The following RAI1 variants were observed in gnomAD, a reference collection of about 807,000 sequenced individuals.
RAI1 encodes the protein retinoic acid-induced protein 1.
RAI1 carries 9 observed loss-of-function variants against 123.8 expected under a neutral mutation model. The observed-to-expected ratio is 0.07, with a 90% CI of 0.04 to 0.13. The LOEUF is 0.13. Ranked by LOEUF, RAI1 falls within the 10% of genes least tolerant of loss-of-function variation. The pLI is 1.00. For missense variants in RAI1, 2,256 were observed against 2,545.8 expected, an observed-to-expected ratio of 0.89 and a Z score of 2.45; for synonymous variants, 1,231 against 1,127.3, an observed-to-expected ratio of 1.09 and a Z score of -1.84.
rs115421180 is a variant in RAI1 at position 17,713,251 on chromosome 17, G to T, written c.-148-10777G>T. On this transcript the variant is annotated intron_variant, in intron 1 of 5. Coordinates refer to ENST00000353383, the MANE Select transcript of RAI1 (RefSeq NM_030665.4). ...AGGAGCTGGGCGTGATGGTGCCTGT[G>T]GTCCCCACTGCTTGGGAGGCCAAGG... 2.8e-3 allele frequency among the ~76,000 whole-genome samples: 429 copies of T among 152,196 alleles called. 2 individuals are homozygous for T. The highest frequency in any genetic ancestry group is 9.5e-3 in the African/African-American group (395 of 41,494).
chr17:17,730,459 C>T (rs1916234069), intron 2 of RAI1, among the ~76,000 whole-genome samples: 1 of 152,230 alleles, frequency 6.6e-6, no homozygotes. Flanking sequence ...CAGGGCAGCC[C>T]ATGGGGATGC....
intron 1 of RAI1, among the ~76,000 whole-genome samples, chr17:17,713,473 C>T (rs1915624792): frequency 6.6e-6 from 1 of 152,130 alleles, no homozygotes; most frequent in South Asian, 2.1e-4. Flanking sequence ...AACCCCATCT[C>T]TACTGAAAAT....
At position 17,762,259 on chromosome 17, in the gene RAI1, G is replaced by A. The variant is rs556517297; in HGVS notation, c.-16-30674G>A. ...AGTCAGGGAGGGCTTCTCAGATGAG[G>A]TGACTGGGCTCATTGGAGAAGACCC... On this transcript the variant is annotated intron_variant, in intron 2 of 5. Transcript: ENST00000353383. Among the ~76,000 whole-genome samples, 3 of 152,286 alleles carry A rather than the reference G, an allele frequency of 2.0e-5. No individual in the cohort carries two copies. The East Asian group carries it at 5.8e-4, about 29-fold the overall frequency.
intron 2 of RAI1, among the ~76,000 whole-genome samples, chr17:17,759,749 A>G (rs140913948): frequency 6.6e-6 from 1 of 152,332 alleles, no homozygotes; most frequent in East Asian, 1.9e-4. Flanking sequence ...TGGCCTGCCC[A>G]CTGCTGCACT....
chr17:17,809,278 T>G lies in RAI1; in HGVS notation c.5660-112T>G, dbSNP rs892148305. On this transcript the variant is annotated intron_variant, in intron 4 of 5. Coordinates refer to ENST00000353383, the MANE Select transcript of RAI1 (RefSeq NM_030665.4). The surrounding 1 kb of genome is among the most constrained non-coding windows in gnomAD (Gnocchi z 4.9). ...TGATTAACTCTTTGAAAAGAGCCCC[T>G]GCAGTCTGGAGCCTCGCGGGCAGTG... 4.5e-5 allele frequency: 41 copies of G among 903,910 alleles called. No homozygotes were observed. The highest frequency in any genetic ancestry group is 7.4e-5 in the Non-Finnish European group (40 of 537,378). The allele number at this position is 903,910 out of a possible 1,614,324, so 56.0% of individuals were successfully genotyped here.
At chr17:17,779,868 G>A (rs1181560167) in intron 2 of RAI1, among the ~76,000 whole-genome samples, 5 of 142,342 alleles carry the variant, frequency 3.5e-5, no homozygotes, top group South Asian at 2.5e-4. Flanking sequence ...TCCGCCCCCC[G>A]GGGTTCACGC....
At position 17,811,394 on chromosome 17, in the gene RAI1, T is replaced by A; in HGVS notation, c.*1413T>A. Reference sequence around the variant, plus strand: ...TTTCCTTAAGAGTAAAAAACAGTCATTGCATTCAGAAAAAAAAAAAAAAAA... The same window carrying A: ...TTTCCTTAAGAGTAAAAAACAGTCAATGCATTCAGAAAAAAAAAAAAAAAA... On this transcript the variant is annotated 3_prime_UTR_variant, in exon 6 of 6. Coordinates refer to ENST00000353383, the MANE Select transcript of RAI1 (RefSeq NM_030665.4). The A allele has an allele frequency of 5.0e-6, 1 of 199,780 alleles. No homozygotes were observed. Among genetic ancestry groups the A allele is most frequent in the South Asian group, 4.4e-5 (1 of 22,602 alleles). The allele number at this position is 199,780 out of a possible 1,614,324, so 12.4% of individuals were successfully genotyped here. A position where few individuals can be genotyped will look rare whatever the true frequency, so the allele number is the denominator to read the frequency against.
chr17:17,796,521 C>A lies in RAI1; in HGVS notation c.3573C>A (p.Ser1191Arg). 6.2e-7 allele frequency: 1 copy of A among 1,610,994 alleles called. No homozygotes were observed. Among genetic ancestry groups the A allele is most frequent in the South Asian group, 1.1e-5 (1 of 91,066 alleles). ...TGCCCGCCACATTCAAGGTCTCCAG[C>A]AGCCCCCAGAAGGAGGGCAGGGTGA... ...SHLPATFKVS[S>R]SPQKEGRVSQ... is the part of the protein sequence containing the mutation. Residue 1191 changes from serine (S) to arginine (R), a missense_variant, in exon 3 of 6, where the codon AGC becomes AGA. By Grantham distance (110) the Ser-to-Arg change is moderately radical (BLOSUM62 -1). Coordinates refer to ENST00000353383, the MANE Select transcript of RAI1 (RefSeq NM_030665.4). The surrounding 1 kb of genome is among the most constrained non-coding windows in gnomAD (Gnocchi z 5.8).
rs933438248 is a variant in RAI1, at chr17:17,794,124, C to G, written c.1176C>G (p.Phe392Leu). 3.1e-6 allele frequency: 5 copies of G among 1,614,030 alleles called. No homozygotes were observed. Among genetic ancestry groups the G allele is most frequent in the Non-Finnish European group, 4.2e-6 (5 of 1,180,062 alleles). The stretch of plus-strand genomic sequence containing the variant: ...CAGGGATCACTGACCACAGCCACTT[C>G]ATGCCCCTGCTCAATCCCTCCCCAA... ...FPAGITDHSH[F>L]MPLLNPSPTD... The change falls in exon 3 of 6, where the codon TTC becomes TTG. Residue 392 changes from phenylalanine to leucine, a missense_variant. Phe to Leu is a conservative substitution (Grantham distance 22, BLOSUM62 0). This residue lies in a region of RAI1 where 357 missense variants were observed against 480.2 expected (regional missense o/e 0.74). Transcript: ENST00000353383.
At chr17:17,783,342 G>A (rs925756552) in intron 2 of RAI1, among the ~76,000 whole-genome samples, 4 of 151,864 alleles carry the variant, frequency 2.6e-5, no homozygotes, top group Admixed American at 6.5e-5. Flanking sequence ...CAGCGGGCTG[G>A]GCTGCGGAGG....
intron 2 of RAI1, among the ~76,000 whole-genome samples, chr17:17,742,779 G>C (rs900999516): frequency 2.0e-5 from 3 of 152,144 alleles, no homozygotes; most frequent in Non-Finnish European, 2.9e-5. Context: ...TGGTTTGGGG[G>C]TCCTTGCACA....
chr17:17,703,961 G>A (rs368209612), intron 1 of RAI1, among the ~76,000 whole-genome samples: 67 of 152,320 alleles, frequency 4.4e-4, no homozygotes, highest in Middle Eastern at 3.4e-3. Context: ...CAGGCTTCTC[G>A]GGTCTCCCTA....
chr17:17,768,898 G>A (rs906583352), intron 2 of RAI1, among the ~76,000 whole-genome samples: 7 of 152,234 alleles, frequency 4.6e-5, no homozygotes, highest in Non-Finnish European at 1.0e-4. Context: ...TCATGAGGGG[G>A]AGAGAGGAGA....
intron 1 of RAI1, among the ~76,000 whole-genome samples, chr17:17,718,394 G>T (rs1022268332): frequency 1.3e-5 from 2 of 152,212 alleles, no homozygotes; most frequent in African/African-American, 4.8e-5. Context: ...TCAAAGAAAA[G>T]CATTTTCTCG....
Position 17,798,266 on chromosome 17 carries a change from C to A in RAI1, c.5318C>A (p.Ala1773Asp). 6.2e-7 allele frequency: 1 copy of A among 1,602,232 alleles called. No homozygotes were observed. Among genetic ancestry groups the A allele is most frequent in the South Asian group, 1.1e-5 (1 of 90,066 alleles). Residue 1773 changes from alanine to aspartate, a missense_variant, in exon 3 of 6, where the codon GCC becomes GAC. This residue lies in a region of RAI1 where 243 missense variants were observed against 316.6 expected (regional missense o/e 0.77). Transcript: ENST00000353383. ...AAGCAGGGCCCACTGCGCACCAGTG[C>A]CCGGGGCCTGTCCCGGAGGCTGCAG... is the stretch of plus-strand genomic sequence containing the variant. Reference protein sequence around the residue: ...PAKQGPLRTSARGLSRRLQSC... With the variant: ...PAKQGPLRTSDRGLSRRLQSC...
intron 2 of RAI1, among the ~76,000 whole-genome samples, chr17:17,737,874 AT>A (rs1353261485): frequency 6.6e-6 from 1 of 152,098 alleles, no homozygotes; most frequent in Non-Finnish European, 1.5e-5. Flanking sequence ...CAGAGTAATT[AT>A]TTCTCTTCCT....
rs968903312 is a variant in RAI1 at position 17,809,900 on chromosome 17, A to G, written c.5710-70A>G. On this transcript the variant is annotated intron_variant, in intron 5 of 5. Transcript: ENST00000353383. This position sits in a 1 kb window ranked among gnomAD's most constrained non-coding sequence, Gnocchi z 4.9. ...TCTGGGGCTTAGGCGGGGGGCCCAC[A>G]CTGGGGGCGGGGCCTATGGACTGTG... The G allele has an allele frequency of 6.5e-7, 1 of 1,547,816 alleles. No individual in the cohort carries two copies. Among genetic ancestry groups the G allele is most frequent in the South Asian group, 1.2e-5 (1 of 84,058 alleles).
chr17:17,722,096 G>C (rs1348488771), intron 1 of RAI1, among the ~76,000 whole-genome samples: 1 of 152,178 alleles, frequency 6.6e-6, no homozygotes, highest in Admixed American at 6.5e-5. Flanking sequence ...GTAGGAGGAA[G>C]TGGAGGTGGA....
chr17:17,689,507 T>C (rs528819876), intron 1 of RAI1, among the ~76,000 whole-genome samples: 36 of 152,348 alleles, frequency 2.4e-4, no homozygotes, highest in Admixed American at 4.6e-4. Context: ...CTTGTGACTT[T>C]AGTGGCAGTA....
Sources: allele counts gnomAD v4.1 joint callset (sites outside exome capture counted in the v4.1 genomes callset), GRCh38; gene constraint gnomAD v4.1.1; regional missense constraint gnomAD v4.1.1; non-coding constraint Gnocchi (gnomAD v3.1); transcripts MANE v1.5; gene names NCBI Gene and HGNC (gene_info 2026-07-23, HGNC 2026-07-21).